Variants in SOCS7 observed in about 807,000 individuals in gnomAD.
SOCS7 encodes NAP-4.
In SOCS7, 18 loss-of-function variants were observed where a neutral mutation model predicts 58.9. The ratio of observed to expected loss-of-function variants is 0.31; its 90% CI spans 0.21 to 0.45. The LOEUF (loss-of-function observed/expected upper bound fraction) is 0.45, where lower values mean the gene tolerates loss of function less well. Ranked by LOEUF, SOCS7 falls within the 20% of genes least tolerant of loss-of-function variation. The pLI, the probability that SOCS7 is intolerant of heterozygous loss-of-function variation, is 1.00. For synonymous variants in SOCS7, 388 were observed against 364.3 expected (o/e 1.06, Z -0.74); for missense variants, 667 against 837.3 (o/e 0.80, Z 2.51).
chr17:38,382,186 T>G (rs966015167), intron 7 of SOCS7, among the ~76,000 whole-genome samples: 4 of 151,806 alleles, frequency 2.6e-5, no homozygotes, highest in Admixed American at 2.6e-4. Context: ...CCCAGCACTT[T>G]GGGAGGTAGA....
intron 6 of SOCS7, among the ~76,000 whole-genome samples, chr17:38,370,691 C>T (rs146287502): frequency 6.6e-6 from 1 of 151,454 alleles, no homozygotes; most frequent in African/African-American, 2.4e-5. Flanking sequence ...GCTCCATCGC[C>T]CAGGCTAGAG....
At chr17:38,359,672 C>T (rs1269217532) in intron 1 of SOCS7, among the ~76,000 whole-genome samples, 3 of 151,462 alleles carry the variant, frequency 2.0e-5, no homozygotes, top group Admixed American at 2.0e-4. Context: ...GGAAGGTGAG[C>T]CAGCTATAAT....
intron 7 of SOCS7, among the ~76,000 whole-genome samples, chr17:38,379,920 T>C (rs914216713): frequency 1.3e-4 from 20 of 152,298 alleles, no homozygotes; most frequent in Non-Finnish European, 4.4e-5. Flanking sequence ...TTCAGAGAAG[T>C]CATAGTCTAA....
intron 7 of SOCS7, among the ~76,000 whole-genome samples, chr17:38,386,323 CAAA>C (rs548448434): frequency 1.5e-4 from 8 of 51,786 alleles, no homozygotes; most frequent in Admixed American, 6.5e-4. Flanking sequence ...GGCTGTGTCT[CAAA>C]AAAAAAAAAA....
intron 2 of SOCS7, among the ~76,000 whole-genome samples, chr17:38,363,134 A>G (rs998994922): frequency 6.6e-6 from 1 of 151,826 alleles, no homozygotes; most frequent in Admixed American, 6.6e-5. Flanking sequence ...AACACCACCT[A>G]CATTTGTAGT....
At chr17:38,398,021 G>A (rs567707187) in intron 9 of SOCS7, among the ~76,000 whole-genome samples, 6 of 152,142 alleles carry the variant, frequency 3.9e-5, no homozygotes, top group South Asian at 2.1e-4. Flanking sequence ...TGGGAAGGAC[G>A]TGGCATGATC....
At chr17:38,366,994 C>G (rs951220909) in intron 5 of SOCS7, among the ~76,000 whole-genome samples, 1 of 152,122 alleles carries the variant, frequency 6.6e-6, no homozygotes, top group Non-Finnish European at 1.5e-5. Flanking sequence ...CCAGTTCCCT[C>G]TTCTTTTCTT....
In SOCS7 at chr17:38,351,941, G is replaced by T. The variant is rs2037557428; in HGVS notation, c.-112G>T. On this transcript the variant is annotated 5_prime_UTR_variant, in exon 1 of 10. Coordinates refer to ENST00000612932, the MANE Select transcript of SOCS7 (RefSeq NM_014598.4). ...CCCTCTATGAGGCAGAGGCCGCGGCGGCCGTTAGCGCTGTCGCTCCGGGGG... is the reference window on the plus strand; with the variant it reads ...CCCTCTATGAGGCAGAGGCCGCGGCTGCCGTTAGCGCTGTCGCTCCGGGGG... 6.6e-6 allele frequency among the ~76,000 whole-genome samples: 1 copy of T among 151,264 alleles called. No individual in the cohort carries two copies. Among genetic ancestry groups the T allele is most frequent in the African/African-American group, 2.4e-5 (1 of 41,298 alleles).
chr17:38,372,881 C>A (rs8080765), intron 6 of SOCS7, among the ~76,000 whole-genome samples: 2 of 152,162 alleles, frequency 1.3e-5, no homozygotes, highest in East Asian at 1.9e-4. Context: ...CCGAGGCGGG[C>A]GGATCACATG....
At chr17:38,368,677 T>C (rs535206895) in intron 6 of SOCS7, among the ~76,000 whole-genome samples, 3 of 152,120 alleles carry the variant, frequency 2.0e-5, no homozygotes, top group Non-Finnish European at 1.5e-5. Flanking sequence ...AATTTTTGTA[T>C]TTTTAGTAGA....
At chr17:38,395,762 A>G in intron 8 of SOCS7, 86 bp from the exon 9 acceptor site, 2 of 1,328,628 alleles carry the variant, frequency 1.5e-6, no homozygotes, top group Non-Finnish European at 2.1e-6. Flanking sequence ...CCATGTAGGG[A>G]GTGAAGAAGA....
intron 6 of SOCS7, among the ~76,000 whole-genome samples, chr17:38,371,040 G>A (rs1280546250): frequency 6.6e-6 from 1 of 152,194 alleles, no homozygotes; most frequent in Non-Finnish European, 1.5e-5. Context: ...AAGTGATACT[G>A]TAAGAGTAGG....
intron 6 of SOCS7, among the ~76,000 whole-genome samples, chr17:38,376,469 C>T (rs184913166): frequency 1.3e-5 from 2 of 152,204 alleles, no homozygotes; most frequent in Admixed American, 6.5e-5. Flanking sequence ...TGGTGGCTCA[C>T]GTTTGTAATC....
intron 2 of SOCS7, 100 bp downstream of exon 2, chr17:38,361,875 T>G (rs1028770540): frequency 1.2e-6 from 1 of 808,616 alleles, no homozygotes; most frequent in Non-Finnish European, 2.0e-6. Flanking sequence ...GCTGTAGGCG[T>G]GTCTGCAGTT....
At chr17:38,379,181 A>G (rs559906469) in intron 7 of SOCS7, among the ~76,000 whole-genome samples, 3 of 128,640 alleles carry the variant, frequency 2.3e-5, no homozygotes, top group Non-Finnish European at 4.9e-5. Flanking sequence ...AAAAAAAAAC[A>G]AAAAAAAAAA....
chr17:38,370,052 A>T (rs140750832), intron 6 of SOCS7, among the ~76,000 whole-genome samples: 1 of 151,860 alleles, frequency 6.6e-6, no homozygotes, highest in Non-Finnish European at 1.5e-5. Flanking sequence ...TGGTCTCCCA[A>T]AGTGCTGGGA....
At chr17:38,361,192 G>T (rs1034516565) in intron 1 of SOCS7, among the ~76,000 whole-genome samples, 1 of 152,238 alleles carries the variant, frequency 6.6e-6, no homozygotes, top group Non-Finnish European at 1.5e-5. Context: ...TGGGGCAATT[G>T]TGCAGAAATC....
chr17:38,360,598 A>G (rs587732872), intron 1 of SOCS7, among the ~76,000 whole-genome samples: 149 of 151,902 alleles, frequency 9.8e-4, no homozygotes, highest in African/African-American at 3.4e-3. Flanking sequence ...GGAGTGCAGT[A>G]GTGCGATCTT....
intron 2 of SOCS7, 68 bp downstream of exon 2, chr17:38,361,843 A>G: frequency 9.1e-7 from 1 of 1,100,998 alleles, no homozygotes; most frequent in Non-Finnish European, 1.3e-6. Flanking sequence ...GTTGGGAAAC[A>G]CTTACAGATG....
Sources: allele counts gnomAD v4.1 joint callset (sites outside exome capture counted in the v4.1 genomes callset), GRCh38; gene constraint gnomAD v4.1.1; transcripts MANE v1.5; gene names NCBI Gene and HGNC (gene_info 2026-07-23, HGNC 2026-07-21).